Variants in KANSL1L observed in about 807,000 individuals in gnomAD.
KANSL1L encodes KAT8 regulatory NSL complex subunit 1-like protein.
A neutral mutation model predicts 108.6 loss-of-function variants in KANSL1L; 25 were observed. That is an observed-to-expected ratio of 0.23 (90% confidence interval 0.17 to 0.32). KANSL1L has a LOEUF of 0.32. KANSL1L is among the 10% of genes least tolerant of loss of function. The probability of loss-of-function intolerance (pLI) is 1.00; values close to 1 mark genes in which losing one functional copy is unlikely to be tolerated. For missense variants in KANSL1L, 1,137 were observed against 1,125.7 expected (o/e 1.01, Z -0.14); for synonymous variants, 405 against 395.1 (o/e 1.03, Z -0.30).
intron 7 of KANSL1L, 72 bp from the exon 8 acceptor site, chr2:210,040,599 T>C: frequency 1.6e-6 from 1 of 635,564 alleles, no homozygotes; most frequent in Non-Finnish European, 2.6e-6. Flanking sequence ...GATTGTAACA[T>C]TAAAATTGCT....
At chr2:210,149,610 A>C (rs934276738) in intron 2 of KANSL1L, among the ~76,000 whole-genome samples, 1 of 152,072 alleles carries the variant, frequency 6.6e-6, no homozygotes, top group African/African-American at 2.4e-5. Flanking sequence ...TAAACTTATA[A>C]GGATATTTTA....
chr2:210,065,314 A>AAAAAG (rs1359569653), intron 6 of KANSL1L, among the ~76,000 whole-genome samples: 69 of 145,962 alleles, frequency 4.7e-4, no homozygotes, highest in African/African-American at 1.6e-3. Flanking sequence ...AAAAAAAAAA[A>AAAAAG]AAGAATCTGT....
At chr2:210,085,709 G>A (rs753495831) in intron 5 of KANSL1L, among the ~76,000 whole-genome samples, 4 of 151,324 alleles carry the variant, frequency 2.6e-5, no homozygotes, top group African/African-American at 4.8e-5. Flanking sequence ...TTTAGTGTCC[G>A]CATTTTTCCA....
intron 6 of KANSL1L, among the ~76,000 whole-genome samples, chr2:210,062,455 C>T (rs773967730): frequency 6.6e-5 from 10 of 152,234 alleles, no homozygotes; most frequent in East Asian, 1.9e-4. Context: ...AATGTGGAAG[C>T]GACTTTGGAA....
intron 6 of KANSL1L, among the ~76,000 whole-genome samples, chr2:210,059,701 C>G (rs2094398660): frequency 6.6e-6 from 1 of 152,016 alleles, no homozygotes; most frequent in African/African-American, 2.4e-5. Context: ...TTGTCTAAAG[C>G]AGATGCTCCA....
intron 6 of KANSL1L, among the ~76,000 whole-genome samples, chr2:210,072,064 C>G (rs1040644882): frequency 2.0e-5 from 3 of 152,064 alleles, no homozygotes; most frequent in African/African-American, 7.2e-5. Flanking sequence ...TCTAATCTAC[C>G]ATCAATAGTC....
At chr2:210,093,543 C>T (rs928407194) in intron 5 of KANSL1L, among the ~76,000 whole-genome samples, 7 of 152,106 alleles carry the variant, frequency 4.6e-5, no homozygotes, top group Non-Finnish European at 1.0e-4. Flanking sequence ...CAAAAGATAT[C>T]AAAACTTCAA....
intron 3 of KANSL1L, among the ~76,000 whole-genome samples, chr2:210,114,380 G>C (rs2094935282): frequency 6.6e-6 from 1 of 151,794 alleles, no homozygotes; most frequent in Admixed American, 6.6e-5. Context: ...GTCCTTCAAA[G>C]GTAAAAAAAA....
rs542225535 is a variant in KANSL1L, at chr2:210,096,077, ACCT to A, written c.1550+2006_1550+2008del. 1.2e-4 allele frequency among the ~76,000 whole-genome samples: 19 copies of A among 152,288 alleles called. No individual in the cohort carries two copies. In the South Asian group the frequency reaches 3.5e-3, roughly 28 times the overall value. ...ACTTGTTAAAAACTTTCAAAAGCAA[ACCT>A]TTTCAATTAGGTTGTAGCAACAACT... On this transcript the variant is annotated intron_variant, in intron 5 of 14. Coordinates refer to ENST00000281772, the MANE Select transcript of KANSL1L (RefSeq NM_152519.4).
intron 4 of KANSL1L, among the ~76,000 whole-genome samples, chr2:210,102,732 G>T (rs2094806716): frequency 6.6e-6 from 1 of 152,108 alleles, no homozygotes; most frequent in Non-Finnish European, 1.5e-5. Flanking sequence ...ATCATCACTG[G>T]CCATCAGAGA....
rs900151982 is a variant in KANSL1L at position 210,044,652 on chromosome 2, G to GA, written c.1756-549dup. On this transcript the variant is annotated intron_variant, in intron 6 of 14. Coordinates refer to ENST00000281772, the MANE Select transcript of KANSL1L (RefSeq NM_152519.4). This position sits in a 1 kb window ranked among gnomAD's most constrained non-coding sequence, Gnocchi z 4.2. ...TATTCCTAGCTTGCCAAAAGAACTT[G>GA]AAAAAAAATATATTAATGTTGAATT... Among the ~76,000 whole-genome samples the GA allele has an allele frequency of 4.0e-5, 6 of 150,434 alleles. No individual in the cohort carries two copies. The highest frequency in any genetic ancestry group is 6.6e-5 in the Admixed American group (1 of 15,126).
At chr2:210,160,249 T>G (rs2095354795) in intron 1 of KANSL1L, among the ~76,000 whole-genome samples, 1 of 152,100 alleles carries the variant, frequency 6.6e-6, no homozygotes, top group African/African-American at 2.4e-5. Context: ...GGTGAAAGAC[T>G]GAATGTTTCT....
chr2:210,149,064 G>A (rs1047885470), intron 2 of KANSL1L, among the ~76,000 whole-genome samples: 10 of 151,874 alleles, frequency 6.6e-5, no homozygotes, highest in East Asian at 1.9e-4. Context: ...GGTCTATGAC[G>A]TACAAGATAC....
At chr2:210,090,327 C>G (rs769909863) in intron 5 of KANSL1L, among the ~76,000 whole-genome samples, 20 of 152,152 alleles carry the variant, frequency 1.3e-4, no homozygotes, top group Non-Finnish European at 2.6e-4. Context: ...GAGTAGCATA[C>G]TACATTTTAA....
chr2:210,093,740 A>G (rs933487970), intron 5 of KANSL1L, among the ~76,000 whole-genome samples: 6 of 152,164 alleles, frequency 3.9e-5, no homozygotes, highest in Non-Finnish European at 8.8e-5. Flanking sequence ...AGAATACCCA[A>G]AACAATTAAA....
At chr2:210,129,336 G>T (rs1309433935) in intron 2 of KANSL1L, among the ~76,000 whole-genome samples, 164 bp from the exon 3 acceptor site, 1 of 152,104 alleles carries the variant, frequency 6.6e-6, no homozygotes, top group Non-Finnish European at 1.5e-5. Flanking sequence ...CAAAGAAAAA[G>T]ATATAATTTT....
chr2:210,101,844 C>T (rs1011852448), intron 4 of KANSL1L, among the ~76,000 whole-genome samples: 6 of 152,060 alleles, frequency 3.9e-5, no homozygotes, highest in African/African-American at 1.4e-4. Context: ...AAGACAGTAA[C>T]CTGTATTTAG....
intron 1 of KANSL1L, among the ~76,000 whole-genome samples, chr2:210,157,691 G>GAAAAAAAAA (rs56676129): frequency 6.4e-5 from 3 of 47,206 alleles, no homozygotes; most frequent in African/African-American, 1.2e-4. Flanking sequence ...CACTGTCACA[G>GAAAAAAAAA]AAAAAAAAAA....
chr2:210,054,920 C>G (rs2094333945), intron 6 of KANSL1L, among the ~76,000 whole-genome samples: 1 of 152,222 alleles, frequency 6.6e-6, no homozygotes. Flanking sequence ...AAAGTTACTA[C>G]AGCTATTAAA....
Sources: gnomAD v4.1 joint callset for allele counts (sites outside exome capture counted in the v4.1 genomes callset) on GRCh38, gnomAD v4.1.1 for gene constraint, Gnocchi (gnomAD v3.1) non-coding constraint, MANE v1.5 for transcripts, NCBI Gene and HGNC (gene_info 2026-07-23, HGNC 2026-07-21) for gene names.